YBX3: variants seen among roughly 807,000 people sequenced by gnomAD.
The protein encoded by YBX3 is Y-box binding protein 3, also known as Y-box-binding protein 3.
In YBX3, 29 loss-of-function variants were observed where a neutral mutation model predicts 42.4. The observed-to-expected ratio is 0.68, with a 90% CI of 0.51 to 0.93. The LOEUF is 0.93. Among genes scored for constraint, YBX3 ranks in the 40% least tolerant of loss-of-function variants. The probability of loss-of-function intolerance (pLI) is 0.00; values close to 1 mark genes in which losing one functional copy is unlikely to be tolerated. For synonymous variants in YBX3, 195 were observed against 189.8 expected (o/e 1.03, Z -0.22); for missense variants, 517 against 527.5 (o/e 0.98, Z 0.19).
At chr12:10,718,317 C>G (rs1051835051) in intron 2 of YBX3, 196 bp from the exon 3 acceptor site, 1 of 505,926 alleles carries the variant, frequency 2.0e-6, no homozygotes, top group African/African-American at 1.9e-5. Context: ...CTTCCTCCTC[C>G]ACATTGCCAC....
chr12:10,699,156 A>G lies in YBX3; in HGVS notation c.*533T>C, dbSNP rs943936067. Reference sequence around the variant, plus strand: ...TGCACATTTTCAAAGAGAGTCACATAAGAAAGCAAAAATGTTATCCTCCCC... The same window carrying G: ...TGCACATTTTCAAAGAGAGTCACATGAGAAAGCAAAAATGTTATCCTCCCC... On this transcript the variant is annotated 3_prime_UTR_variant, in exon 10 of 10. Transcript: ENST00000228251. 1 of 152,588 alleles carries G rather than the reference A, an allele frequency of 6.6e-6. No homozygotes were observed. The highest frequency in any genetic ancestry group is 1.5e-5 in the Non-Finnish European group (1 of 68,020). The allele number at this position is 152,588 out of a possible 1,614,324, so 9.5% of individuals were successfully genotyped here. A position where few individuals can be genotyped will look rare whatever the true frequency, so the allele number is the denominator to read the frequency against.
In YBX3 at chr12:10,721,635, G is replaced by GA. The variant is rs911679005; in HGVS notation, c.262+1214dup. ...TGGTAGGGACTTAGTAAAAGCCCTA[G>GA]AAAAAAAAAACAAGAAAATAGTCCT... is the stretch of plus-strand genomic sequence containing the variant. On this transcript the variant is annotated intron_variant, in intron 1 of 9. Transcript: ENST00000228251. Among the ~76,000 whole-genome samples, 167 of 147,456 alleles carry GA rather than the reference G, an allele frequency of 1.1e-3. 2 individuals carry two copies. The highest frequency in any genetic ancestry group is 1.8e-3 in the Admixed American group (27 of 14,822).
intron 1 of YBX3, chr12:10,722,545 T>C (rs1335918996): frequency 4.2e-6 from 1 of 235,998 alleles, no homozygotes; most frequent in Non-Finnish European, 8.1e-6. Context: ...ACCACGCGAA[T>C]CCGCAACAGT....
chr12:10,704,878 T>A (rs1948120446), intron 6 of YBX3, among the ~76,000 whole-genome samples: 1 of 152,240 alleles, frequency 6.6e-6, no homozygotes, highest in African/African-American at 2.4e-5. Flanking sequence ...TCACCTTTTC[T>A]ATCATTTCCA....
chr12:10,708,177 G>A (rs1359564242), intron 6 of YBX3, among the ~76,000 whole-genome samples: 2 of 152,074 alleles, frequency 1.3e-5, no homozygotes, highest in Non-Finnish European at 2.9e-5. Flanking sequence ...CAAGCACATA[G>A]TAGCTCAGTG....
At chr12:10,708,356 T>C (rs1565587771) in intron 6 of YBX3, among the ~76,000 whole-genome samples, 1 of 152,132 alleles carries the variant, frequency 6.6e-6, no homozygotes, top group South Asian at 2.1e-4. Flanking sequence ...TTTCATAGCG[T>C]TGTAATAGTA....
At chr12:10,718,238 T>G (rs372978460) in intron 2 of YBX3, 117 bp from the exon 3 acceptor site, 1 of 882,238 alleles carries the variant, frequency 1.1e-6, no homozygotes, top group Non-Finnish European at 1.7e-6. Context: ...ATATTTTCAC[T>G]TATTTTCTAC....
In YBX3 at chr12:10,704,074, T is replaced by A; in HGVS notation, c.855A>T (p.Pro285=). The change falls in exon 7 of 10, where the codon CCA becomes CCT. Residue 285 remains proline, a synonymous_variant. Coordinates refer to ENST00000228251, the MANE Select transcript of YBX3 (RefSeq NM_003651.5). ...AQLQGPVHRN[P]TYRPRYRSRG... is the part of the protein sequence containing the mutation. ...ACCTACGGTACCTTGGGCGGTAAGTTGGATTTCGATGAACCGGTCCCTGAA... is the reference window on the plus strand; with the variant it reads ...ACCTACGGTACCTTGGGCGGTAAGTAGGATTTCGATGAACCGGTCCCTGAA... 1 of 1,614,178 alleles carries A rather than the reference T, an allele frequency of 6.2e-7. No homozygotes were observed. Among genetic ancestry groups the A allele is most frequent in the Non-Finnish European group, 8.5e-7 (1 of 1,180,034 alleles).
chr12:10,708,123 G>T (rs565392705), intron 6 of YBX3, among the ~76,000 whole-genome samples: 1 of 152,236 alleles, frequency 6.6e-6, no homozygotes, highest in African/African-American at 2.4e-5. Context: ...ATGCCACAAT[G>T]TTGCTCCCTT....
chr12:10,721,202 C>A (rs1177162459), intron 1 of YBX3, among the ~76,000 whole-genome samples: 4 of 152,178 alleles, frequency 2.6e-5, no homozygotes, highest in Non-Finnish European at 5.9e-5. Context: ...GTAGAAAGGG[C>A]TGTCCTTCAT....
At chr12:10,704,637 C>A in intron 6 of YBX3, among the ~76,000 whole-genome samples, 1 of 133,872 alleles carries the variant, frequency 7.5e-6, no homozygotes, top group East Asian at 2.0e-4. Context: ...ATCCCTTCCT[C>A]CCCCTAAGAG....
intron 9 of YBX3, 139 bp downstream of exon 9, chr12:10,701,115 T>C (rs904215363): frequency 3.6e-6 from 2 of 556,080 alleles, no homozygotes; most frequent in African/African-American, 3.8e-5. Context: ...AATCACTTTT[T>C]CCACAGAGTC....
chr12:10,713,340 A>G lies in YBX3; in HGVS notation c.451-7T>C, dbSNP rs1244917206. 6.2e-7 allele frequency: 1 copy of G among 1,609,388 alleles called. No individual in the cohort carries two copies. On this transcript the variant is annotated splice_polypyrimidine_tract_variant and splice_region_variant and intron_variant, in intron 4 of 9. Coordinates refer to ENST00000228251, the MANE Select transcript of YBX3 (RefSeq NM_003651.5). ...CATTGGCAGCTTCTGCACCCTGAGA[A>G]GAAAATAAAAAGATGGCCTCAAAAT...
intron 1 of YBX3, among the ~76,000 whole-genome samples, chr12:10,720,043 CCT>C (rs1044356820): frequency 9.2e-5 from 14 of 152,122 alleles, no homozygotes; most frequent in Non-Finnish European, 1.3e-4. Flanking sequence ...AGGAAATGCC[CCT>C]GTCTCAATTC....
Position 10,705,907 on chromosome 12 carries a change from C to G in YBX3, c.781-1759G>C, listed in dbSNP as rs554101430. Among the ~76,000 whole-genome samples, 46 of 152,256 alleles carry G rather than the reference C, an allele frequency of 3.0e-4. No homozygotes were observed. In the South Asian group the frequency reaches 9.3e-3, roughly 31 times the overall value. On this transcript the variant is annotated intron_variant, in intron 6 of 9. Coordinates refer to ENST00000228251, the MANE Select transcript of YBX3 (RefSeq NM_003651.5). ...AGTACTTCTTCGCTTTCTGGCACAACAAGATGTTCCAGGCTCATATTATAC... is the reference window on the plus strand; with the variant it reads ...AGTACTTCTTCGCTTTCTGGCACAAGAAGATGTTCCAGGCTCATATTATAC...
intron 6 of YBX3, among the ~76,000 whole-genome samples, chr12:10,706,166 C>T (rs1366691003): frequency 1.3e-5 from 2 of 152,198 alleles, no homozygotes; most frequent in South Asian, 4.1e-4. Context: ...ATGGCAAACA[C>T]ACGTGCCTAC....
intron 6 of YBX3, among the ~76,000 whole-genome samples, chr12:10,708,078 G>GT (rs933036631): frequency 3.3e-5 from 5 of 152,150 alleles, no homozygotes; most frequent in Admixed American, 2.6e-4. Flanking sequence ...GACAACTAAA[G>GT]TAAGAACCGA....
chr12:10,707,855 CAA>C (rs1948155215), intron 6 of YBX3, among the ~76,000 whole-genome samples: 1 of 151,876 alleles, frequency 6.6e-6, no homozygotes, highest in Admixed American at 6.6e-5. Context: ...TGTTGAGTCA[CAA>C]AAAAAGACTG....
chr12:10,708,647 C>T (rs1221919141), intron 6 of YBX3, among the ~76,000 whole-genome samples: 1 of 152,192 alleles, frequency 6.6e-6, no homozygotes, highest in African/African-American at 2.4e-5. Flanking sequence ...GCCATTCAGT[C>T]AATTAACTAA....
Sources: gnomAD v4.1 joint callset for allele counts (sites outside exome capture counted in the v4.1 genomes callset) on GRCh38, gnomAD v4.1.1 for gene constraint, MANE v1.5 for transcripts, NCBI Gene and HGNC (gene_info 2026-07-23, HGNC 2026-07-21) for gene names.